Variants in PTPRN2 observed in about 807,000 individuals in gnomAD.
PTPRN2 encodes the protein protein tyrosine phosphatase receptor type N2, also known as receptor-type tyrosine-protein phosphatase N2.
PTPRN2 carries 74 observed loss-of-function variants against 118.8 expected under a neutral mutation model. The observed-to-expected ratio is 0.62, with a 90% CI of 0.52 to 0.76. PTPRN2 has a LOEUF of 0.76. PTPRN2 is among the 30% of genes least tolerant of loss of function. PTPRN2 has a pLI of 0.00. For missense variants in PTPRN2, 1,481 were observed against 1,394.4 expected, an observed-to-expected ratio of 1.06 and a Z score of -0.99; for synonymous variants, 641 against 608.0, an observed-to-expected ratio of 1.05 and a Z score of -0.80.
Position 157,977,380 on chromosome 7 carries a change from G to A in PTPRN2, c.1724-78643C>T, listed in dbSNP as rs1477454660. Among the ~76,000 whole-genome samples the A allele has an allele frequency of 1.3e-5, 2 of 151,888 alleles. No individual in the cohort carries two copies. The highest frequency in any genetic ancestry group is 4.8e-5 in the African/African-American group (2 of 41,424). ...GTTAATGTGCTCTGGAGTGACAGGG[G>A]TGGGAGGGGTTTATCAGAGATCTGG... On this transcript the variant is annotated intron_variant, in intron 11 of 22. Coordinates refer to ENST00000389418, the MANE Select transcript of PTPRN2 (RefSeq NM_002847.5). The surrounding 1 kb of genome is among the most constrained non-coding windows in gnomAD (Gnocchi z 4.6).
chr7:158,519,455 G>C (rs181742377), intron 1 of PTPRN2, among the ~76,000 whole-genome samples: 14 of 152,300 alleles, frequency 9.2e-5, no homozygotes, highest in African/African-American at 2.9e-4. Flanking sequence ...TTCCCTGCCC[G>C]ATCTGCAGGT....
intron 22 of PTPRN2, among the ~76,000 whole-genome samples, chr7:157,545,215 G>A (rs141499658): frequency 1.1e-3 from 164 of 148,952 alleles, no homozygotes; most frequent in African/African-American, 4.0e-3. Context: ...GCAATGTGTG[G>A]GTGTGCGCAG....
At position 158,360,862 on chromosome 7, in the gene PTPRN2, GA is replaced by G. The variant is rs1289427337; in HGVS notation, c.164-43931del. 3.2e-3 allele frequency among the ~76,000 whole-genome samples: 12 copies of G among 3,766 alleles called. 3 individuals carry two copies. The highest frequency in any genetic ancestry group is 0.013 in the African/African-American group (3 of 224). The allele number at this position is 3,766 out of a possible 152,430, so 2.5% of individuals were successfully genotyped here. On this transcript the variant is annotated intron_variant, in intron 2 of 22. Coordinates refer to ENST00000389418, the MANE Select transcript of PTPRN2 (RefSeq NM_002847.5). ...AGACCCCACATCCACCCTCACCCAGGACGACGCACAGACCCCGCGTCCACCC... is the reference window on the plus strand; with the variant it reads ...AGACCCCACATCCACCCTCACCCAGGCGACGCACAGACCCCGCGTCCACCC...
At chr7:158,226,332 C>T (rs1306066012) in intron 3 of PTPRN2, among the ~76,000 whole-genome samples, 1 of 152,158 alleles carries the variant, frequency 6.6e-6, no homozygotes, top group African/African-American at 2.4e-5. Context: ...TAAAGGAGAA[C>T]AAGGTGTCAA....
At chr7:157,554,757 A>G (rs1291894471) in intron 21 of PTPRN2, among the ~76,000 whole-genome samples, 5 of 152,256 alleles carry the variant, frequency 3.3e-5, no homozygotes, top group Admixed American at 2.6e-4. Flanking sequence ...AGGAACCTTA[A>G]CGATGTCTAC....
At chr7:158,320,503 C>T (rs1433642165) in intron 2 of PTPRN2, among the ~76,000 whole-genome samples, 1 of 120,636 alleles carries the variant, frequency 8.3e-6, no homozygotes, top group African/African-American at 3.1e-5. Context: ...GCCCCCATCG[C>T]CCGCATCCTC....
chr7:157,667,116 T>A (rs186316956), intron 13 of PTPRN2, among the ~76,000 whole-genome samples: 2 of 82,482 alleles, frequency 2.4e-5, no homozygotes, highest in Non-Finnish European at 2.9e-5. Context: ...CACTGATCTC[T>A]GGTGGGTGCA....
intron 14 of PTPRN2, among the ~76,000 whole-genome samples, chr7:157,623,472 G>C (rs1049076487): frequency 5.9e-5 from 9 of 152,308 alleles, no homozygotes; most frequent in African/African-American, 2.2e-4. Flanking sequence ...AGTAAAACAT[G>C]ATGGGTTCTA....
intron 9 of PTPRN2, among the ~76,000 whole-genome samples, chr7:158,132,128 CAT>C (rs1464256632): frequency 4.9e-5 from 4 of 80,992 alleles, no homozygotes; most frequent in African/African-American, 7.2e-5. Context: ...ATCCAACACA[CAT>C]ACACACACAC....
At chr7:157,989,935 C>T (rs1182343540) in intron 11 of PTPRN2, among the ~76,000 whole-genome samples, 1 of 152,114 alleles carries the variant, frequency 6.6e-6, no homozygotes, top group South Asian at 2.1e-4. Flanking sequence ...TTCTCCCCCT[C>T]CTCCTCATTA....
At chr7:157,795,510 G>C (rs1348981290) in intron 12 of PTPRN2, among the ~76,000 whole-genome samples, 2 of 152,208 alleles carry the variant, frequency 1.3e-5, no homozygotes, top group Non-Finnish European at 2.9e-5. Flanking sequence ...TTCTGTACTC[G>C]GCAGTCATTT....
chr7:158,363,264 GGAGGCCATGA>G (rs1238134657), intron 2 of PTPRN2, among the ~76,000 whole-genome samples: 4 of 152,072 alleles, frequency 2.6e-5, no homozygotes, highest in African/African-American at 4.8e-5. Flanking sequence ...AGGATGCTTG[GGAGGCCATGA>G]GAGGCTATGG....
At chr7:157,844,243 T>C (rs1321349553) in intron 12 of PTPRN2, among the ~76,000 whole-genome samples, 1 of 152,172 alleles carries the variant, frequency 6.6e-6, no homozygotes, top group Non-Finnish European at 1.5e-5. Context: ...CAGGAGGGAC[T>C]GGCCTTGGCG....
At chr7:158,000,010 G>C (rs911422173) in intron 11 of PTPRN2, among the ~76,000 whole-genome samples, 1 of 151,768 alleles carries the variant, frequency 6.6e-6, no homozygotes, top group Non-Finnish European at 1.5e-5. Flanking sequence ...CCTCAGCCTC[G>C]CGAGAAGCTG....
At chr7:157,994,494 C>A (rs907015755) in intron 11 of PTPRN2, among the ~76,000 whole-genome samples, 1 of 142,406 alleles carries the variant, frequency 7.0e-6, no homozygotes, top group East Asian at 2.2e-4. Context: ...TGGCCCACAG[C>A]TCCTTGTTCC....
chr7:157,748,661 GTTCA>G, intron 12 of PTPRN2, among the ~76,000 whole-genome samples: 1 of 148,434 alleles, frequency 6.7e-6, no homozygotes, highest in African/African-American at 2.5e-5. Context: ...GCTGTGGGCT[GTTCA>G]GGTGATTGTG....
intron 12 of PTPRN2, among the ~76,000 whole-genome samples, chr7:157,793,914 C>T (rs1563115592): frequency 6.6e-6 from 1 of 152,162 alleles, no homozygotes; most frequent in Non-Finnish European, 1.5e-5. Flanking sequence ...CTCCCTCGGC[C>T]CCCTCTCTGC....
chr7:157,816,482 T>A (rs985849283), intron 12 of PTPRN2, among the ~76,000 whole-genome samples: 3 of 152,210 alleles, frequency 2.0e-5, no homozygotes, highest in African/African-American at 7.2e-5. Context: ...AGAGCCACAC[T>A]CCACCTCAGG....
At chr7:158,348,863 G>A (rs1436209913) in intron 2 of PTPRN2, among the ~76,000 whole-genome samples, 1 of 152,070 alleles carries the variant, frequency 6.6e-6, no homozygotes, top group Non-Finnish European at 1.5e-5. Flanking sequence ...GCTGAGGGTG[G>A]CCCACGTCAC....
Sources: allele counts gnomAD v4.1 joint callset (sites outside exome capture counted in the v4.1 genomes callset), GRCh38; gene constraint gnomAD v4.1.1; non-coding constraint Gnocchi (gnomAD v3.1); transcripts MANE v1.5; gene names NCBI Gene and HGNC (gene_info 2026-07-23, HGNC 2026-07-21).